GBP7: variants seen among roughly 807,000 people sequenced by gnomAD.
GBP7 encodes the protein guanylate-binding protein 7.
GBP7 carries 43 observed loss-of-function variants against 61.3 expected under a neutral mutation model. The observed-to-expected ratio is 0.70, with a 90% confidence interval of 0.55 to 0.91. GBP7 has a LOEUF of 0.91. GBP7 is among the 40% of genes least tolerant of loss of function. GBP7 has a pLI of 0.00. For missense variants in GBP7, 717 were observed against 740.5 expected (o/e 0.97, Z 0.37); for synonymous variants, 267 against 271.0 (o/e 0.99, Z 0.14).
At chr1:89,134,833 T>A (rs998542756) in intron 9 of GBP7, among the ~76,000 whole-genome samples, 4 of 152,190 alleles carry the variant, frequency 2.6e-5, no homozygotes, top group Non-Finnish European at 5.9e-5. Flanking sequence ...TCAGCAATAG[T>A]TCCTAATCAA....
In GBP7 at chr1:89,171,968, A is replaced by G. The variant is rs1359268310; in HGVS notation, c.-19-14T>C. ...GCGTTCCTCTGTCTGCAAGGAAAAA[A>G]TGAAATGGAAAGTAATGTCTGGTAA... On this transcript the variant is annotated splice_polypyrimidine_tract_variant and intron_variant, in intron 1 of 10. Transcript: ENST00000294671. 6.3e-7 allele frequency: 1 copy of G among 1,575,322 alleles called. No individual in the cohort carries two copies. Among genetic ancestry groups the G allele is most frequent in the East Asian group, 2.2e-5 (1 of 44,540 alleles).
chr1:89,155,925 A>G (rs1400574644), intron 3 of GBP7, among the ~76,000 whole-genome samples: 1 of 152,246 alleles, frequency 6.6e-6, no homozygotes, highest in Non-Finnish European at 1.5e-5. Flanking sequence ...CAAAGTTGAA[A>G]TGAAGGAAAA....
intron 3 of GBP7, among the ~76,000 whole-genome samples, chr1:89,157,864 C>T (rs1682352449): frequency 6.6e-6 from 1 of 152,100 alleles, no homozygotes; most frequent in African/African-American, 2.4e-5. Context: ...TTCATGAGGC[C>T]AGCATCATCC....
At position 89,168,574 on chromosome 1, in the gene GBP7, G is replaced by A. The variant is rs571665127; in HGVS notation, c.190+3172C>T. Among the ~76,000 whole-genome samples, 4 of 152,198 alleles carry A rather than the reference G, an allele frequency of 2.6e-5. No individual in the cohort carries two copies. In the East Asian group the frequency reaches 7.7e-4, roughly 29 times the overall value. ...AGCTCTAGCTAAAATATAAACACCT[G>A]ATGAATTAACCACTATACTCATTTG... On this transcript the variant is annotated intron_variant, in intron 2 of 10. Transcript: ENST00000294671.
At chr1:89,169,675 T>C (rs1269496467) in intron 2 of GBP7, among the ~76,000 whole-genome samples, 1 of 152,188 alleles carries the variant, frequency 6.6e-6, no homozygotes, top group Non-Finnish European at 1.5e-5. Flanking sequence ...GCTACACAAC[T>C]CAATGTAAAT....
intron 2 of GBP7, among the ~76,000 whole-genome samples, 187 bp downstream of exon 2, chr1:89,171,559 G>C (rs1275067740): frequency 1.3e-5 from 2 of 151,018 alleles, no homozygotes; most frequent in Non-Finnish European, 2.9e-5. Flanking sequence ...TGAAAATAAA[G>C]GCAAAGTGAG....
At chr1:89,168,727 G>C (rs1284653351) in intron 2 of GBP7, among the ~76,000 whole-genome samples, 1 of 151,992 alleles carries the variant, frequency 6.6e-6, no homozygotes, top group African/African-American at 2.4e-5. Flanking sequence ...CTGAGGTCAG[G>C]AGTTCAAGAC....
intron 3 of GBP7, among the ~76,000 whole-genome samples, chr1:89,161,779 C>G (rs1647276847): frequency 6.6e-6 from 1 of 151,816 alleles, no homozygotes; most frequent in Non-Finnish European, 1.5e-5. Context: ...TAGTTAGTTC[C>G]CATTTGTCAA....
chr1:89,164,008 T>G (rs146913109), intron 3 of GBP7, among the ~76,000 whole-genome samples: 5 of 152,230 alleles, frequency 3.3e-5, no homozygotes, highest in African/African-American at 7.2e-5. Context: ...TAGCTGGGAT[T>G]ACAGGTGCCC....
rs1178690826 is a variant in GBP7, at chr1:89,152,747, C to G, written c.349G>C (p.Ala117Pro). 8 of 1,594,360 alleles carry G rather than the reference C, an allele frequency of 5.0e-6. No homozygotes were observed. In the Admixed American group the frequency reaches 6.8e-5, roughly 14 times the overall value. Residue 117 changes from alanine to proline, a missense_variant, in exon 4 of 11, where the codon GCC becomes CCC. This residue lies in a region of GBP7 where 387 missense variants were observed against 385.2 expected (regional missense o/e 1.00). Coordinates refer to ENST00000294671, the MANE Select transcript of GBP7 (RefSeq NM_207398.3). Reference protein sequence around the residue: ...SDPKSDSWIFALAVLLSSSFV... With the variant: ...SDPKSDSWIFPLAVLLSSSFV... ...CTGCTGCTTAGAAGCACAGCCAGGG[C>G]AAAGATCCACGAGTCACTCTTAGGG...
At chr1:89,150,600 T>G in intron 5 of GBP7, 25 bp from the exon 6 acceptor site, 2 of 1,611,182 alleles carry the variant, frequency 1.2e-6, no homozygotes, top group Non-Finnish European at 1.7e-6. Flanking sequence ...AAAAAGTGAC[T>G]ACTGAAGAAC....
chr1:89,142,081 A>ATTAT (rs748450323), intron 8 of GBP7, among the ~76,000 whole-genome samples: 2 of 152,190 alleles, frequency 1.3e-5, no homozygotes, highest in Admixed American at 6.5e-5. Flanking sequence ...TTCTAGGCTA[A>ATTAT]TTATTTATTT....
rs1300809958 is a variant in GBP7, at chr1:89,152,369, T to C, written c.524A>G (p.Asp175Gly). The change falls in exon 5 of 11, where the codon GAC becomes GGC. Residue 175 changes from aspartate (D) to glycine (G), a missense_variant. Coordinates refer to ENST00000294671, the MANE Select transcript of GBP7 (RefSeq NM_207398.3). ...AAAATCTCGAACAGTCCAAATAAAG[T>C]CTGGAAAGAAACTCACAAACTCGCT... ...DSSEFVSFFPDFIWTVRDFTL... is the reference protein window; with the variant it reads ...DSSEFVSFFPGFIWTVRDFTL... The C allele has an allele frequency of 1.9e-6, 3 of 1,614,026 alleles. No homozygotes were observed. Among genetic ancestry groups the C allele is most frequent in the South Asian group, 1.1e-5 (1 of 91,072 alleles).
At chr1:89,156,179 G>A (rs1473681061) in intron 3 of GBP7, among the ~76,000 whole-genome samples, 1 of 152,194 alleles carries the variant, frequency 6.6e-6, no homozygotes, top group Non-Finnish European at 1.5e-5. Flanking sequence ...CACCAGGCCT[G>A]CCTTACAAGA....
intron 10 of GBP7, 54 bp downstream of exon 10, chr1:89,133,203 TA>T: frequency 7.0e-7 from 1 of 1,435,898 alleles, no homozygotes; most frequent in Non-Finnish European, 9.6e-7. Flanking sequence ...GGCTCTTCCC[TA>T]AATGAGGAAC....
At chr1:89,157,796 C>T (rs1557461818) in intron 3 of GBP7, among the ~76,000 whole-genome samples, 1 of 152,010 alleles carries the variant, frequency 6.6e-6, no homozygotes, top group Non-Finnish European at 1.5e-5. Flanking sequence ...GGAGCTGGTA[C>T]CATTCTTTCT....
chr1:89,136,100 C>T (rs1023622760), intron 9 of GBP7, among the ~76,000 whole-genome samples: 12 of 152,044 alleles, frequency 7.9e-5, no homozygotes, highest in East Asian at 3.8e-4. Flanking sequence ...TTCAATTCAA[C>T]GAGAAGACTT....
chr1:89,147,350 C>T (rs983477999), intron 8 of GBP7, among the ~76,000 whole-genome samples: 6 of 152,210 alleles, frequency 3.9e-5, no homozygotes, highest in Non-Finnish European at 7.4e-5. Context: ...TTGTTTCATC[C>T]GGACTTCTGA....
At chr1:89,171,514 A>AT (rs922682273) in intron 2 of GBP7, among the ~76,000 whole-genome samples, 9 of 151,774 alleles carry the variant, frequency 5.9e-5, no homozygotes, top group African/African-American at 9.7e-5. Context: ...TTATTATTTA[A>AT]TTTTTTTATT....
Sources: allele counts gnomAD v4.1 joint callset (sites outside exome capture counted in the v4.1 genomes callset), GRCh38; gene constraint gnomAD v4.1.1; regional missense constraint gnomAD v4.1.1; transcripts MANE v1.5; gene names NCBI Gene and HGNC (gene_info 2026-07-23, HGNC 2026-07-21).